ERICH6B: variants seen among roughly 807,000 people sequenced by gnomAD.
ERICH6B encodes glutamate-rich protein 6B.
Under a neutral mutation model 80.0 loss-of-function variants are expected in ERICH6B, and 69 were observed. That is an observed-to-expected ratio of 0.86 (90% confidence interval 0.71 to 1.05). The LOEUF is 1.05. ERICH6B is among the 50% of genes least tolerant of loss of function. ERICH6B has a pLI of 0.00. For synonymous variants in ERICH6B, 283 were observed against 291.9 expected (o/e 0.97, Z 0.31); for missense variants, 754 against 796.1 (o/e 0.95, Z 0.64).
Position 45,609,489 on chromosome 13 carries a change from T to G in ERICH6B, c.-110-1874A>C, listed in dbSNP as rs567968471. Among the ~76,000 whole-genome samples, 12 of 152,370 alleles carry G rather than the reference T, an allele frequency of 7.9e-5. No individual in the cohort carries two copies. In the South Asian group the frequency reaches 2.3e-3, roughly 29 times the overall value. Reference sequence around the variant, plus strand: ...ACATGTATTATCATGTTGTTTTAGTTTCCTCATAATATTTGTTACTCCTGA... The same window carrying G: ...ACATGTATTATCATGTTGTTTTAGTGTCCTCATAATATTTGTTACTCCTGA... On this transcript the variant is annotated intron_variant, in intron 1 of 14. Coordinates refer to ENST00000298738, the MANE Select transcript of ERICH6B (RefSeq NM_182542.3).
At chr13:45,597,518 C>T (rs1474590989) in intron 2 of ERICH6B, among the ~76,000 whole-genome samples, 1 of 152,182 alleles carries the variant, frequency 6.6e-6, no homozygotes, top group African/African-American at 2.4e-5. Context: ...AGGACGGACA[C>T]AGTGGCTGGG....
intron 5 of ERICH6B, among the ~76,000 whole-genome samples, chr13:45,583,775 A>G (rs1484887991): frequency 6.6e-6 from 1 of 152,148 alleles, no homozygotes; most frequent in South Asian, 2.1e-4. Flanking sequence ...GCCATGTAAG[A>G]TGTGCCTTTC....
intron 14 of ERICH6B, among the ~76,000 whole-genome samples, chr13:45,543,220 C>T (rs1873857750): frequency 6.6e-6 from 1 of 152,136 alleles, no homozygotes; most frequent in Non-Finnish European, 1.5e-5. Flanking sequence ...TCATTCCTCT[C>T]CTTAACTCTG....
At chr13:45,547,359 G>T (rs114568216) in intron 13 of ERICH6B, among the ~76,000 whole-genome samples, 361 of 152,286 alleles carry the variant, frequency 2.4e-3, no homozygotes, top group African/African-American at 8.0e-3. Context: ...ACTGAGATGG[G>T]CAGGCTGGTG....
chr13:45,574,963 G>T (rs552480295), intron 7 of ERICH6B, 33 bp from the exon 8 acceptor site: 4 of 1,422,664 alleles, frequency 2.8e-6, no homozygotes, highest in East Asian at 5.0e-5. Flanking sequence ...CGAAAGGAAG[G>T]GCATGTGGAA....
At chr13:45,610,181 C>T (rs139656477) in intron 1 of ERICH6B, among the ~76,000 whole-genome samples, 2 of 152,256 alleles carry the variant, frequency 1.3e-5, no homozygotes, top group Non-Finnish European at 1.5e-5. Flanking sequence ...ATTGTAGAAC[C>T]TAAGATTGGC....
rs1027544057 is a variant in ERICH6B at position 45,569,684 on chromosome 13, A to C, written c.1051-1233T>G. 3.7e-4 allele frequency among the ~76,000 whole-genome samples: 57 copies of C among 152,350 alleles called. 1 individual carries two copies. Among genetic ancestry groups the C allele is most frequent in the African/African-American group, 1.2e-3 (49 of 41,588 alleles). On this transcript the variant is annotated intron_variant, in intron 8 of 14. Transcript: ENST00000298738. ...ACTCACTATCTTCCTACAGCAAGTG[A>C]AAGACCAACATATCCGAAGTTTCAC... is the stretch of plus-strand genomic sequence containing the variant.
At chr13:45,580,057 T>A in intron 6 of ERICH6B, 83 bp from the exon 7 acceptor site, 1 of 1,153,612 alleles carries the variant, frequency 8.7e-7, no homozygotes, top group Non-Finnish European at 1.3e-6. Flanking sequence ...GGAATCAATT[T>A]AAAAATCATC....
intron 3 of ERICH6B, among the ~76,000 whole-genome samples, chr13:45,591,440 C>CA (rs1305112827): frequency 6.6e-6 from 1 of 151,972 alleles, no homozygotes; most frequent in Non-Finnish European, 1.5e-5. Flanking sequence ...ACTAAAAATA[C>CA]AAAAAATTAG....
Position 45,544,823 on chromosome 13 carries a change from C to T in ERICH6B, c.1809G>A (p.Lys603=), listed in dbSNP as rs1258802609. The change falls in exon 14 of 15, where the codon AAG becomes AAA. Residue 603 remains lysine, a synonymous_variant. Coordinates refer to ENST00000298738, the MANE Select transcript of ERICH6B (RefSeq NM_182542.3). ...GTTCATAGGTGAAGCAGAAGATGAT[C>T]TTATCCTGGCTCCTTATTTGTACCT... is the stretch of plus-strand genomic sequence containing the variant. The part of the protein sequence containing the change: ...YIQVQIRSQD[K]IIFCFTYEQK... 3 of 1,551,724 alleles carry T rather than the reference C, an allele frequency of 1.9e-6. No homozygotes were observed. In the African/African-American group the frequency reaches 4.1e-5, roughly 21 times the overall value.
At chr13:45,613,977 T>A (rs1382159143) in intron 1 of ERICH6B, among the ~76,000 whole-genome samples, 2 of 152,128 alleles carry the variant, frequency 1.3e-5, no homozygotes, top group Non-Finnish European at 2.9e-5. Flanking sequence ...GGGTCTGTCT[T>A]AGCAGGATAC....
Position 45,585,156 on chromosome 13 carries a change from G to A in ERICH6B, c.856+1907C>T, listed in dbSNP as rs377725188. Among the ~76,000 whole-genome samples, 10 of 152,268 alleles carry A rather than the reference G, an allele frequency of 6.6e-5. No homozygotes were observed. In the East Asian group the frequency reaches 1.2e-3, roughly 18 times the overall value. On this transcript the variant is annotated intron_variant, in intron 5 of 14. Coordinates refer to ENST00000298738, the MANE Select transcript of ERICH6B (RefSeq NM_182542.3). ...AACTGGAGCATTTCAAAGTCAGTTC[G>A]CAGTATGGCTTGGTAGAGAGCGTGG...
chr13:45,548,023 G>T (rs556629806), intron 13 of ERICH6B, among the ~76,000 whole-genome samples: 101 of 152,280 alleles, frequency 6.6e-4, no homozygotes, highest in South Asian at 2.1e-3. Context: ...TGAATGAGTA[G>T]AACCCACCCA....
chr13:45,602,853 C>T (rs958503071), intron 2 of ERICH6B, among the ~76,000 whole-genome samples: 3 of 152,322 alleles, frequency 2.0e-5, no homozygotes, highest in South Asian at 4.1e-4. Flanking sequence ...ATTGCAATTA[C>T]CTTCTATACC....
At chr13:45,552,997 A>G in intron 11 of ERICH6B, 1 of 197,938 alleles carries the variant, frequency 5.1e-6, no homozygotes, top group East Asian at 1.6e-4. Flanking sequence ...TTCTGAGCGG[A>G]TGGTCTCTTC....
chr13:45,545,197 C>T (rs987465073), intron 13 of ERICH6B, among the ~76,000 whole-genome samples: 2 of 152,200 alleles, frequency 1.3e-5, no homozygotes, highest in East Asian at 3.8e-4. Flanking sequence ...TGCCCTCCTT[C>T]CCTCTCCTTA....
At chr13:45,602,866 T>G (rs1412713456) in intron 2 of ERICH6B, among the ~76,000 whole-genome samples, 1 of 152,180 alleles carries the variant, frequency 6.6e-6, no homozygotes, top group East Asian at 1.9e-4. Flanking sequence ...TCTATACCAT[T>G]CAGGGTTCTC....
At chr13:45,565,555 A>G (rs984981953) in intron 9 of ERICH6B, among the ~76,000 whole-genome samples, 1 of 152,194 alleles carries the variant, frequency 6.6e-6, no homozygotes, top group Non-Finnish European at 1.5e-5. Flanking sequence ...TAACTGAACC[A>G]TGGGGGCATC....
At chr13:45,605,573 T>G (rs1701179460) in intron 2 of ERICH6B, among the ~76,000 whole-genome samples, 1 of 152,252 alleles carries the variant, frequency 6.6e-6, no homozygotes, top group Non-Finnish European at 1.5e-5. Context: ...GTGGCCAGAC[T>G]AAGATCTGGA....
Sources: gnomAD v4.1 joint callset for allele counts (sites outside exome capture counted in the v4.1 genomes callset) on GRCh38, gnomAD v4.1.1 for gene constraint, MANE v1.5 for transcripts, NCBI Gene and HGNC (gene_info 2026-07-23, HGNC 2026-07-21) for gene names.